Variants in APAF1 observed in about 807,000 individuals in gnomAD.
The protein encoded by APAF1 is apoptotic protease-activating factor 1.
A neutral mutation model predicts 152.4 loss-of-function variants in APAF1; 91 were observed. That is an observed-to-expected ratio of 0.60 (90% confidence interval 0.50 to 0.71). The LOEUF is 0.71. APAF1 is among the 30% of genes least tolerant of loss of function. APAF1 has a pLI of 0.00. For missense variants in APAF1, 1,283 were observed against 1,472.0 expected (o/e 0.87, Z 2.10); for synonymous variants, 484 against 494.1 (o/e 0.98, Z 0.27).
chr12:98,687,986 A>G (rs934751505), intron 16 of APAF1, among the ~76,000 whole-genome samples: 1 of 151,946 alleles, frequency 6.6e-6, no homozygotes, highest in Non-Finnish European at 1.5e-5. Flanking sequence ...TAATTTTTGT[A>G]TTTTTAGTAG....
At chr12:98,709,438 A>G (rs1299468735) in intron 20 of APAF1, among the ~76,000 whole-genome samples, 1 of 152,114 alleles carries the variant, frequency 6.6e-6, no homozygotes, top group Admixed American at 6.5e-5. Flanking sequence ...AGTGGTGGTA[A>G]CAGATGCCCT....
intron 4 of APAF1, among the ~76,000 whole-genome samples, chr12:98,655,081 A>G (rs1262896656): frequency 1.8e-5 from 2 of 110,656 alleles, no homozygotes; most frequent in African/African-American, 6.9e-5. Flanking sequence ...CACATCTTGC[A>G]CCGCCCTTAA....
chr12:98,681,747 T>TCAGTG (rs946368255), intron 14 of APAF1, among the ~76,000 whole-genome samples: 7 of 152,208 alleles, frequency 4.6e-5, no homozygotes, highest in Admixed American at 3.3e-4. Flanking sequence ...AGGTGGCCAC[T>TCAGTG]GAGGGCAGTT....
intron 16 of APAF1, among the ~76,000 whole-genome samples, chr12:98,695,352 C>T (rs909130364): frequency 6.2e-5 from 9 of 145,932 alleles, no homozygotes; most frequent in Admixed American, 2.7e-4. Context: ...CGCCCAATGC[C>T]GCCCCCCCCC....
rs2097766540 is a variant in APAF1 at position 98,734,569 on chromosome 12, G to A, written c.*2003G>A. On this transcript the variant is annotated 3_prime_UTR_variant, in exon 27 of 27. Coordinates refer to ENST00000551964, the MANE Select transcript of APAF1 (RefSeq NM_181861.2). The stretch of plus-strand genomic sequence containing the variant: ...GTATAACTGTGGGGTAGGTCGGGGA[G>A]AGGGTAAGGGAATAGATCACTCAGA... 6.6e-6 allele frequency: 1 copy of A among 152,598 alleles called. No individual in the cohort carries two copies. The highest frequency in any genetic ancestry group is 2.1e-4 in the South Asian group (1 of 4,830). The allele number at this position is 152,598 out of a possible 1,614,324, so 9.5% of individuals were successfully genotyped here. A position where few individuals can be genotyped will look rare whatever the true frequency, so the allele number is the denominator to read the frequency against.
chr12:98,656,185 C>T (rs1396839367), intron 4 of APAF1, among the ~76,000 whole-genome samples: 2 of 152,134 alleles, frequency 1.3e-5, no homozygotes, highest in African/African-American at 2.4e-5. Flanking sequence ...ACCTTGGCCT[C>T]CCAAAGTGCT....
At chr12:98,661,418 T>G (rs1279307226) in intron 5 of APAF1, among the ~76,000 whole-genome samples, 1 of 152,122 alleles carries the variant, frequency 6.6e-6, no homozygotes, top group Non-Finnish European at 1.5e-5. Context: ...TCTCATTTGG[T>G]TTGTGCTTTT....
intron 22 of APAF1, among the ~76,000 whole-genome samples, chr12:98,719,387 G>T (rs2097739078): frequency 6.6e-6 from 1 of 151,816 alleles, no homozygotes; most frequent in Non-Finnish European, 1.5e-5. Context: ...GTCTTGCTCT[G>T]TTGCCAGGCT....
At chr12:98,692,954 A>G (rs1461409133) in intron 16 of APAF1, among the ~76,000 whole-genome samples, 3 of 152,104 alleles carry the variant, frequency 2.0e-5, no homozygotes, top group Non-Finnish European at 4.4e-5. Context: ...AAGTTATTTG[A>G]GAAATCTCCA....
intron 9 of APAF1, 92 bp from the exon 10 acceptor site, chr12:98,667,419 CTG>C: frequency 6.6e-7 from 1 of 1,505,640 alleles, no homozygotes; most frequent in Non-Finnish European, 9.1e-7. Flanking sequence ...CCCGGCCTCT[CTG>C]TACATTCTTA....
intron 12 of APAF1, among the ~76,000 whole-genome samples, chr12:98,674,123 G>A (rs1379007111): frequency 6.6e-6 from 1 of 152,064 alleles, no homozygotes; most frequent in Non-Finnish European, 1.5e-5. Flanking sequence ...AACCTCCTGA[G>A]TAGCTGAGAC....
In APAF1 at chr12:98,662,096, G is replaced by A. The variant is rs147505651; in HGVS notation, c.711-360G>A. Among the ~76,000 whole-genome samples, 420 of 149,580 alleles carry A rather than the reference G, an allele frequency of 2.8e-3. 4 individuals carry two copies. Among genetic ancestry groups the A allele is most frequent in the African/African-American group, 9.9e-3 (402 of 40,804 alleles). On this transcript the variant is annotated intron_variant, in intron 5 of 26. Coordinates refer to ENST00000551964, the MANE Select transcript of APAF1 (RefSeq NM_181861.2). ...CTGAGCTCAGTTCTAGTTTGGTTTT[G>A]GTGCTTAAAGACTGAGTTGGAAAAT...
At chr12:98,678,390 TG>T (rs2097688740) in intron 13 of APAF1, among the ~76,000 whole-genome samples, 1 of 152,170 alleles carries the variant, frequency 6.6e-6, no homozygotes, top group Non-Finnish European at 1.5e-5. Context: ...TGGCGGTAGC[TG>T]GGGACAAGCA....
rs1296961796 is a variant in APAF1, at chr12:98,645,854, T to A, written c.-42+19T>A. On this transcript the variant is annotated intron_variant, in intron 1 of 26. Transcript: ENST00000551964. ...GGCTTGGGTAAGTTGACCTCCTCGC[T>A]TTTCTCCCCGAGCCAGGTTCTTTGG... is the stretch of plus-strand genomic sequence containing the variant. The A allele has an allele frequency of 6.6e-6, 1 of 152,324 alleles. No homozygotes were observed. The highest frequency in any genetic ancestry group is 1.9e-4 in the East Asian group (1 of 5,196). 9.4% of individuals were successfully genotyped at this position (152,324 alleles called of 1,614,324 possible).
intron 13 of APAF1, among the ~76,000 whole-genome samples, chr12:98,678,570 C>G (rs950853494): frequency 6.6e-6 from 1 of 152,238 alleles, no homozygotes; most frequent in African/African-American, 2.4e-5. Context: ...GCCTCCGGCT[C>G]CACAGAGCAG....
At chr12:98,702,021 C>T (rs1016178275) in intron 17 of APAF1, among the ~76,000 whole-genome samples, 5 of 152,174 alleles carry the variant, frequency 3.3e-5, no homozygotes, top group Non-Finnish European at 7.3e-5. Context: ...TCCGGCGCTA[C>T]GCTGCCTACC....
At chr12:98,724,128 G>A (rs2153344149) in intron 24 of APAF1, among the ~76,000 whole-genome samples, 1 of 152,266 alleles carries the variant, frequency 6.6e-6, no homozygotes, top group Admixed American at 6.5e-5. Flanking sequence ...TCACATTCTG[G>A]TGAATGATGC....
At position 98,727,264 on chromosome 12, in the gene APAF1, T is replaced by G. The variant is rs1460953634; in HGVS notation, c.3548T>G (p.Leu1183Arg). ...AATHGGWVTDLCFSPDGKMLI... is the reference protein window; with the variant it reads ...AATHGGWVTDRCFSPDGKMLI... ...ACCCATGGAGGCTGGGTGACTGACC[T>G]TTGCTTTTCTCCAGATGGCAAAATG... The change falls in exon 26 of 27, where the codon CTT (leucine) becomes CGT (arginine). Residue 1183 changes from leucine to arginine, a missense_variant. Transcript: ENST00000551964. The G allele has an allele frequency of 2.5e-6, 4 of 1,614,154 alleles. No individual in the cohort carries two copies. Among genetic ancestry groups the G allele is most frequent in the Non-Finnish European group, 3.4e-6 (4 of 1,180,000 alleles).
chr12:98,648,865 G>T (rs1565851373), intron 3 of APAF1, 50 bp downstream of exon 3: 2 of 1,547,994 alleles, frequency 1.3e-6, no homozygotes, highest in Admixed American at 1.7e-5. Context: ...ATTGCTTTGG[G>T]TTTGTCTTAT....
Sources: gnomAD v4.1 joint callset for allele counts (sites outside exome capture counted in the v4.1 genomes callset) on GRCh38, gnomAD v4.1.1 for gene constraint, MANE v1.5 for transcripts, NCBI Gene and HGNC (gene_info 2026-07-23, HGNC 2026-07-21) for gene names.